Variants in RAB38 observed in about 807,000 individuals in gnomAD.
The protein encoded by RAB38 is RAB38, member RAS oncogene family.
In RAB38, 15 loss-of-function variants were observed where a neutral mutation model predicts 18.4. The ratio of observed to expected loss-of-function variants is 0.82; its 90% CI spans 0.55 to 1.26. RAB38 has a LOEUF of 1.26. Ranked by LOEUF, RAB38 falls within the 50% of genes most tolerant of loss-of-function variation. RAB38 has a pLI of 0.00. For synonymous variants in RAB38, 101 were observed against 104.4 expected, an observed-to-expected ratio of 0.97 and a Z score of 0.20; for missense variants, 294 against 267.4, an observed-to-expected ratio of 1.10 and a Z score of -0.69.
chr11:87,944,868 G>C, the RAB38 span, among the ~76,000 whole-genome samples: 1 of 152,102 alleles, frequency 6.6e-6, no homozygotes, highest in Non-Finnish European at 1.5e-5. Flanking sequence ...GTTTTTGAAG[G>C]AAGGGCATTG....
chr11:87,958,992 T>A, the RAB38 span, among the ~76,000 whole-genome samples: 2 of 152,126 alleles, frequency 1.3e-5, no homozygotes, highest in Admixed American at 6.6e-5. Context: ...GAGAATATAA[T>A]GAAATGATGG....
At chr11:88,071,249 C>CACACAA in the RAB38 span, among the ~76,000 whole-genome samples, 13 of 151,504 alleles carry the variant, frequency 8.6e-5, no homozygotes, top group African/African-American at 3.1e-4. Flanking sequence ...GGAGGACACA[C>CACACAA]ACACACACAC....
chr11:87,928,611 CTGTT>C, the RAB38 span, among the ~76,000 whole-genome samples: 4 of 151,874 alleles, frequency 2.6e-5, no homozygotes, highest in African/African-American at 7.3e-5. Flanking sequence ...AAAAATTCCA[CTGTT>C]TGTTAAAACA....
the RAB38 span, chr11:88,097,855 A>C: frequency 6.6e-6 from 1 of 151,932 alleles, no homozygotes; most frequent in African/African-American, 2.4e-5. Flanking sequence ...GCAGAACCTT[A>C]GTTTTCTTAT....
chr11:87,847,824 C>T, the RAB38 span, among the ~76,000 whole-genome samples: 4 of 152,104 alleles, frequency 2.6e-5, no homozygotes, highest in Non-Finnish European at 4.4e-5. Context: ...TTCACCGACC[C>T]TCAATAAATA....
the RAB38 span, among the ~76,000 whole-genome samples, chr11:87,935,747 C>T: frequency 6.6e-6 from 1 of 151,980 alleles, no homozygotes; most frequent in African/African-American, 2.4e-5. Flanking sequence ...TAGTCACACC[C>T]ACTCCCCACC....
the RAB38 span, among the ~76,000 whole-genome samples, chr11:87,830,892 T>C: frequency 2.6e-5 from 4 of 152,050 alleles, no homozygotes; most frequent in Middle Eastern, 3.4e-3. Context: ...TCCATCTCCA[T>C]GGCTCAAGTG....
At chr11:87,816,907 A>T in the RAB38 span, 1 of 152,152 alleles carries the variant, frequency 6.6e-6, no homozygotes, top group South Asian at 2.1e-4. Flanking sequence ...TCTAATACAT[A>T]CAAAGTTTGA....
At chr11:87,915,046 C>A in the RAB38 span, among the ~76,000 whole-genome samples, 1 of 152,158 alleles carries the variant, frequency 6.6e-6, no homozygotes, top group African/African-American at 2.4e-5. Context: ...TACAGAGAAT[C>A]CCCACTAGGA....
the RAB38 span, among the ~76,000 whole-genome samples, chr11:87,827,096 G>A: frequency 6.6e-6 from 1 of 152,066 alleles, no homozygotes; most frequent in Non-Finnish European, 1.5e-5. Flanking sequence ...ACAAGCCTCT[G>A]GTCGTCAAAC....
the RAB38 span, among the ~76,000 whole-genome samples, chr11:88,082,926 T>C: frequency 6.6e-6 from 1 of 152,022 alleles, no homozygotes; most frequent in African/African-American, 2.4e-5. Flanking sequence ...GGTCCTACAA[T>C]AGCCTAAAGG....
chr11:87,899,959 G>A, the RAB38 span, among the ~76,000 whole-genome samples: 1 of 147,490 alleles, frequency 6.8e-6, no homozygotes, highest in African/African-American at 2.5e-5. Flanking sequence ...TACTCCTTCC[G>A]TTTTTTTTTT....
the RAB38 span, among the ~76,000 whole-genome samples, chr11:88,046,765 G>A: frequency 7.9e-5 from 12 of 152,178 alleles, no homozygotes; most frequent in African/African-American, 1.2e-4. Context: ...TTTTGCCATC[G>A]TAATAAAACC....
chr11:88,073,932 G>T, the RAB38 span, among the ~76,000 whole-genome samples: 1 of 151,702 alleles, frequency 6.6e-6, no homozygotes, highest in East Asian at 1.9e-4. Context: ...AATGGACACA[G>T]CAGAGAGAAA....
At chr11:87,927,254 C>A in the RAB38 span, among the ~76,000 whole-genome samples, 1 of 151,932 alleles carries the variant, frequency 6.6e-6, no homozygotes, top group Admixed American at 6.6e-5. Context: ...TATTCCTACA[C>A]CCCAGTATTC....
the RAB38 span, among the ~76,000 whole-genome samples, chr11:88,032,328 T>G: frequency 1.2e-4 from 18 of 152,162 alleles, no homozygotes; most frequent in African/African-American, 1.9e-4. Flanking sequence ...GGGCAAGGAC[T>G]TCATGTCTAA....
At chr11:87,954,291 A>G in the RAB38 span, among the ~76,000 whole-genome samples, 35 of 152,276 alleles carry the variant, frequency 2.3e-4, no homozygotes, top group African/African-American at 8.4e-4. Flanking sequence ...CAATGGCATC[A>G]TGGTGGGAAC....
chr11:87,829,811 G>T, the RAB38 span, among the ~76,000 whole-genome samples: 1 of 152,104 alleles, frequency 6.6e-6, no homozygotes, highest in East Asian at 1.9e-4. Flanking sequence ...AAGGACAGAG[G>T]TGATATTATC....
the RAB38 span, among the ~76,000 whole-genome samples, chr11:87,825,954 TAAAA>T: frequency 6.6e-5 from 10 of 152,006 alleles, no homozygotes; most frequent in Admixed American, 4.6e-4. Flanking sequence ...GTTACAATAA[TAAAA>T]AATAAATGGT....
Sources: gnomAD v4.1 joint callset for allele counts (sites outside exome capture counted in the v4.1 genomes callset) on GRCh38, gnomAD v4.1.1 for gene constraint, MANE v1.5 for transcripts, NCBI Gene and HGNC (gene_info 2026-07-23, HGNC 2026-07-21) for gene names.